WWOX: variants seen among roughly 807,000 people sequenced by gnomAD.
The protein encoded by WWOX is WW domain-containing oxidoreductase.
In WWOX, 69 loss-of-function variants were observed where a neutral mutation model predicts 46.2. The observed-to-expected ratio is 1.49, with a 90% CI of 1.23 to 1.82. The LOEUF is 1.82. Among genes scored for constraint, WWOX ranks in the 40% most tolerant of loss-of-function variants. The pLI is 0.00. For synonymous variants in WWOX, 359 were observed against 202.6 expected (o/e 1.77, Z -6.56); for missense variants, 919 against 542.6 (o/e 1.69, Z -6.89).
At chr16:79,210,808 A>T (rs1452541101) in intron 8 of WWOX, among the ~76,000 whole-genome samples, 2 of 152,128 alleles carry the variant, frequency 1.3e-5, no homozygotes, top group Non-Finnish European at 2.9e-5. Context: ...TCATCACTGC[A>T]CACGTCCCTA....
At chr16:78,706,555 A>G (rs999949292) in intron 8 of WWOX, among the ~76,000 whole-genome samples, 1 of 152,208 alleles carries the variant, frequency 6.6e-6, no homozygotes. Context: ...AGCTGCAGGC[A>G]GGAACAAGAG....
chr16:78,103,156 C>T lies in WWOX; in HGVS notation c.107+3271C>T, dbSNP rs560913547. On this transcript the variant is annotated intron_variant, in intron 1 of 8. Coordinates refer to ENST00000566780, the MANE Select transcript of WWOX (RefSeq NM_016373.4). ...CTGAGTGGCCCCTGGCCAGGGGACT[C>T]GGGTGCATACATGGTTTCCAAACGC... 7.9e-5 allele frequency among the ~76,000 whole-genome samples: 12 copies of T among 151,978 alleles called. No homozygotes were observed. The East Asian group carries it at 1.6e-3, about 20-fold the overall frequency.
chr16:78,711,270 G>A (rs560198838), intron 8 of WWOX, among the ~76,000 whole-genome samples: 22 of 152,140 alleles, frequency 1.4e-4, no homozygotes, highest in Non-Finnish European at 3.1e-4. Context: ...GTATATATAC[G>A]TTAAAAAATA....
intron 5 of WWOX, among the ~76,000 whole-genome samples, chr16:78,374,421 A>G (rs921693096): frequency 6.6e-6 from 1 of 151,358 alleles, no homozygotes; most frequent in African/African-American, 2.4e-5. Context: ...TTTCAGTATA[A>G]TTTATTTGGT....
chr16:78,991,264 A>G (rs1021447668), intron 8 of WWOX, among the ~76,000 whole-genome samples: 4 of 152,092 alleles, frequency 2.6e-5, no homozygotes, highest in African/African-American at 7.2e-5. Context: ...ACTTTTGGCA[A>G]TGAGACAGCA....
intron 8 of WWOX, among the ~76,000 whole-genome samples, chr16:78,669,385 G>C (rs1420294736): frequency 6.6e-6 from 1 of 152,218 alleles, no homozygotes; most frequent in Non-Finnish European, 1.5e-5. Flanking sequence ...TAGGATCCAG[G>C]GGCAGCATTG....
chr16:79,054,576 C>G (rs984251667), intron 8 of WWOX, among the ~76,000 whole-genome samples: 4 of 152,176 alleles, frequency 2.6e-5, no homozygotes, highest in African/African-American at 9.7e-5. Context: ...AATCTCCACA[C>G]TTGGGGCGGT....
In WWOX at chr16:78,687,066, T is replaced by A. The variant is rs993212198; in HGVS notation, c.1056+254314T>A. On this transcript the variant is annotated intron_variant, in intron 8 of 8. Coordinates refer to ENST00000566780, the MANE Select transcript of WWOX (RefSeq NM_016373.4). Reference sequence around the variant, plus strand: ...GGGATCATTAAGGAGTTTATTTTCATCTTTATTTTATCATTTAAAACACAT... The same window carrying A: ...GGGATCATTAAGGAGTTTATTTTCAACTTTATTTTATCATTTAAAACACAT... 8.1e-5 allele frequency among the ~76,000 whole-genome samples: 12 copies of A among 148,972 alleles called. No individual in the cohort carries two copies. The Admixed American group carries it at 8.4e-4, about 10-fold the overall frequency.
chr16:78,137,498 T>A (rs1425937918), intron 4 of WWOX, among the ~76,000 whole-genome samples: 1 of 152,214 alleles, frequency 6.6e-6, no homozygotes, highest in Non-Finnish European at 1.5e-5. Context: ...ATGAGGAATT[T>A]CCTTACGTAT....
intron 5 of WWOX, among the ~76,000 whole-genome samples, chr16:78,334,543 A>C (rs988756422): frequency 6.6e-6 from 1 of 152,140 alleles, no homozygotes; most frequent in Non-Finnish European, 1.5e-5. Context: ...CTGTTTTTCC[A>C]GCCATCATTC....
At chr16:78,928,255 T>G (rs984562824) in intron 8 of WWOX, among the ~76,000 whole-genome samples, 2 of 148,222 alleles carry the variant, frequency 1.3e-5, no homozygotes, top group South Asian at 2.1e-4. Flanking sequence ...CAGGCTGGAG[T>G]GCAGTGGCGC....
chr16:79,036,329 A>C (rs1407052783), intron 8 of WWOX, among the ~76,000 whole-genome samples: 1 of 152,198 alleles, frequency 6.6e-6, no homozygotes, highest in African/African-American at 2.4e-5. Context: ...TCGAAAACTC[A>C]TCACTCTTCC....
intron 8 of WWOX, among the ~76,000 whole-genome samples, chr16:78,773,414 C>T (rs376816137): frequency 4.9e-4 from 74 of 152,312 alleles, no homozygotes; most frequent in African/African-American, 1.7e-3. Context: ...TCATTGGCTG[C>T]AGAGCGCAGA....
At chr16:78,769,908 G>T (rs9930111) in intron 8 of WWOX, among the ~76,000 whole-genome samples, 66,112 of 151,802 alleles carry the variant, frequency 0.44, 15,034 homozygotes, top group Middle Eastern at 0.56. Context: ...GGGCGTGTGT[G>T]GTGGAGCATG....
At chr16:78,144,464 C>CGTATATAT (rs1567596338) in intron 4 of WWOX, among the ~76,000 whole-genome samples, 16 of 17,954 alleles carry the variant, frequency 8.9e-4, no homozygotes, top group Non-Finnish European at 1.5e-3. Context: ...TATATATATA[C>CGTATATAT]ACACATATAT....
intron 8 of WWOX, among the ~76,000 whole-genome samples, chr16:78,966,191 C>G (rs1328971013): frequency 6.6e-6 from 1 of 152,114 alleles, no homozygotes; most frequent in African/African-American, 2.4e-5. Flanking sequence ...TGAAATATCT[C>G]AGGAACAAAA....
At chr16:78,436,955 A>G (rs1479968833) in intron 8 of WWOX, among the ~76,000 whole-genome samples, 1 of 152,178 alleles carries the variant, frequency 6.6e-6, no homozygotes, top group African/African-American at 2.4e-5. Flanking sequence ...CCGTAGGTAA[A>G]GGCTGGGTTT....
At chr16:78,284,885 T>A (rs1464099035) in intron 5 of WWOX, among the ~76,000 whole-genome samples, 1 of 152,232 alleles carries the variant, frequency 6.6e-6, no homozygotes, top group Non-Finnish European at 1.5e-5. Context: ...TCTTCCATTA[T>A]GTTTAGTATT....
intron 8 of WWOX, among the ~76,000 whole-genome samples, chr16:78,457,524 C>T (rs530719866): frequency 6.6e-6 from 1 of 151,896 alleles, no homozygotes; most frequent in Admixed American, 6.6e-5. Context: ...TTTTTTTCCC[C>T]AAATGCTAAG....
Sources: allele counts gnomAD v4.1 joint callset (sites outside exome capture counted in the v4.1 genomes callset), GRCh38; gene constraint gnomAD v4.1.1; transcripts MANE v1.5; gene names NCBI Gene and HGNC (gene_info 2026-07-23, HGNC 2026-07-21).